Variants in TLR2 observed in about 807,000 individuals in gnomAD.
TLR2 encodes the protein toll like receptor 2.
A neutral mutation model predicts 9.1 loss-of-function variants in TLR2; 7 were observed. The observed-to-expected ratio is 0.77, with a 90% CI of 0.44 to 1.44. TLR2 has a LOEUF of 1.44. Ranked by LOEUF, TLR2 falls within the 40% of genes most tolerant of loss-of-function variation. TLR2 has a pLI of 0.01. For synonymous variants in TLR2, 317 were observed against 344.6 expected, an observed-to-expected ratio of 0.92 and a Z score of 0.89; for missense variants, 812 against 904.6, an observed-to-expected ratio of 0.90 and a Z score of 1.31.
chr4:153,700,886 T>G (rs4696484), intron 2 of TLR2, among the ~76,000 whole-genome samples: 147,435 of 152,228 alleles, frequency 0.97, 71,537 homozygotes, highest in East Asian at 1. Context: ...GATTATTTCC[T>G]CAAGATGATC....
At chr4:153,692,591 C>G (rs961176360) in intron 2 of TLR2, among the ~76,000 whole-genome samples, 2 of 152,180 alleles carry the variant, frequency 1.3e-5, no homozygotes, top group Non-Finnish European at 2.9e-5. Context: ...TCCTTCAAAG[C>G]TTGCAAATTT....
rs150388453 is a variant in TLR2, at chr4:153,703,705, G to C, written c.798G>C (p.Leu266Phe). The C allele has an allele frequency of 1.0e-3, 1,607 of 1,613,626 alleles. 2 individuals carry two copies. The highest frequency in any genetic ancestry group is 1.2e-3 in the Non-Finnish European group (1,428 of 1,179,934). Residue 266 changes from leucine to phenylalanine, a missense_variant, in exon 3 of 3, where the codon TTG (leucine) becomes TTC (phenylalanine). Physicochemically the swap from Leu to Phe is conservative, Grantham distance 22 (BLOSUM62 0). Coordinates refer to ENST00000642700, the MANE Select transcript of TLR2 (RefSeq NM_001318789.2). The stretch of plus-strand genomic sequence containing the variant: ...ATGTGAAAATCACCGATGAAAGTTT[G>C]TTTCAGGTTATGAAACTTTTGAATC... ...FRNVKITDES[L>F]FQVMKLLNQI...
intron 1 of TLR2, among the ~76,000 whole-genome samples, chr4:153,684,827 CG>C (rs1735576078): frequency 6.6e-6 from 1 of 152,146 alleles, no homozygotes; most frequent in African/African-American, 2.4e-5. Flanking sequence ...GCGGTGGCCC[CG>C]GCCCGGCCCT....
At chr4:153,708,822 TACTC>T (rs1737415952), downstream of TLR2, among the ~76,000 whole-genome samples, 1 of 152,168 alleles carries the variant, frequency 6.6e-6, no homozygotes, top group Non-Finnish European at 1.5e-5. Context: ...AACCCACAAT[TACTC>T]AAACAAGAAA....
intron 2 of TLR2, among the ~76,000 whole-genome samples, chr4:153,695,198 A>G (rs950376792): frequency 6.6e-6 from 1 of 152,158 alleles, no homozygotes; most frequent in Non-Finnish European, 1.5e-5. Context: ...TAGCAGTGGG[A>G]TTGCTGGATT....
chr4:153,703,002 G>A lies in TLR2; in HGVS notation c.95G>A (p.Arg32His), dbSNP rs780126308. ...SSNQASLSCD[R>H]NGICKGSSGS... Reference sequence around the variant, plus strand: ...AATCAGGCTTCTCTGTCTTGTGACCGCAATGGTATCTGCAAGGGCAGCTCA... The same window carrying A: ...AATCAGGCTTCTCTGTCTTGTGACCACAATGGTATCTGCAAGGGCAGCTCA... Residue 32 changes from arginine to histidine, a missense_variant, in exon 3 of 3, where the codon CGC (arginine) becomes CAC (histidine). By Grantham distance (29) the Arg-to-His change is conservative (BLOSUM62 0). Coordinates refer to ENST00000642700, the MANE Select transcript of TLR2 (RefSeq NM_001318789.2). 25 of 1,613,964 alleles carry A rather than the reference G, an allele frequency of 1.5e-5. No homozygotes were observed. The highest frequency in any genetic ancestry group is 3.3e-4 in the Middle Eastern group (2 of 6,062).
chr4:153,696,641 T>A (rs976240423), intron 2 of TLR2, among the ~76,000 whole-genome samples: 1 of 152,226 alleles, frequency 6.6e-6, no homozygotes, highest in East Asian at 1.9e-4. Context: ...ATTGAAAAAT[T>A]ATACCATGAG....
chr4:153,689,305 C>T (rs2127016248), intron 2 of TLR2, among the ~76,000 whole-genome samples: 1 of 152,296 alleles, frequency 6.6e-6, no homozygotes, highest in Non-Finnish European at 1.5e-5. Context: ...GGTGAGGTGC[C>T]ACTATACCAT....
At chr4:153,689,529 C>T (rs929069315) in intron 2 of TLR2, among the ~76,000 whole-genome samples, 1 of 152,188 alleles carries the variant, frequency 6.6e-6, no homozygotes, top group Non-Finnish European at 1.5e-5. Flanking sequence ...TCTTCCCAAA[C>T]AAGTATGTTC....
Position 153,702,928 on chromosome 4 carries a change from G to T in TLR2, c.21G>T (p.Met7Ile). 1.2e-6 allele frequency: 2 copies of T among 1,611,304 alleles called. No individual in the cohort carries two copies. The highest frequency in any genetic ancestry group is 1.1e-5 in the South Asian group (1 of 90,916). The change falls in exon 3 of 3, where the codon ATG (methionine) becomes ATT (isoleucine). Residue 7 changes from methionine (M) to isoleucine (I), a missense_variant. Transcript: ENST00000642700. The part of the protein sequence containing the change: MPHTLW[M>I]VWVLGVIISL... Reference sequence around the variant, plus strand: ...GGACAATGCCACATACTTTGTGGATGGTGTGGGTCTTGGGGGTCATCATCA... The same window carrying T: ...GGACAATGCCACATACTTTGTGGATTGTGTGGGTCTTGGGGGTCATCATCA...
At chr4:153,710,355 TG>T, downstream of TLR2, 1 of 1,544,854 alleles carries the variant, frequency 6.5e-7, no homozygotes. Flanking sequence ...ATGTTGCTTC[TG>T]GGGTCTGCTG....
At position 153,705,643 on chromosome 4, in the gene TLR2, A is replaced by G. The variant is rs1737287294; in HGVS notation, c.*381A>G. On this transcript the variant is annotated 3_prime_UTR_variant, in exon 3 of 3. Transcript: ENST00000642700. ...ATATAACCTGTGTACATTCTCCTGT[A>G]TACTTTAAATCATCTCTAGATTACT... is the stretch of plus-strand genomic sequence containing the variant. The G allele has an allele frequency of 1.2e-5, 2 of 172,280 alleles. No individual in the cohort carries two copies. The highest frequency in any genetic ancestry group is 2.8e-5 in the Non-Finnish European group (2 of 72,720). 10.7% of individuals were successfully genotyped at this position (172,280 alleles called of 1,614,324 possible). A position where few individuals can be genotyped will look rare whatever the true frequency, so the allele number is the denominator to read the frequency against.
chr4:153,703,971 T>C lies in TLR2; in HGVS notation c.1064T>C (p.Leu355Pro). 6.2e-7 allele frequency: 1 copy of C among 1,611,828 alleles called. No homozygotes were observed. The highest frequency in any genetic ancestry group is 1.1e-5 in the South Asian group (1 of 90,290). Residue 355 changes from leucine (L) to proline (P), a missense_variant, in exon 3 of 3, where the codon CTT becomes CCT. Transcript: ENST00000642700. ...NSKVFLVPCL[L>P]SQHLKSLEYL... ...AAAGTTTTTCTGGTTCCTTGTTTAC[T>C]TTCACAACATTTAAAATCATTAGAA...
chr4:153,689,139 A>G (rs1735925967), intron 2 of TLR2, among the ~76,000 whole-genome samples: 1 of 152,086 alleles, frequency 6.6e-6, no homozygotes, highest in Non-Finnish European at 1.5e-5. Flanking sequence ...TGCTTTAAAT[A>G]TTTGTTCTTT....
downstream of TLR2, among the ~76,000 whole-genome samples, chr4:153,709,467 C>A (rs190777213): frequency 2.0e-3 from 304 of 152,306 alleles, 1 homozygote; most frequent in African/African-American, 6.1e-3. Flanking sequence ...CTGGTCTTCT[C>A]TATTCAGTTA....
Position 153,704,638 on chromosome 4 carries a change from T to A in TLR2, c.1731T>A (p.Asp577Glu). The change falls in exon 3 of 3, where the codon GAT becomes GAA. Residue 577 changes from aspartate to glutamate, a missense_variant. Transcript: ENST00000642700. ...ATGTGCGTGGCCAGCAGGTTCAGGA[T>A]GTCCGCCTCTCGGTGTCGGAATGTC... ...PSHVRGQQVQ[D>E]VRLSVSECHR... 6.2e-7 allele frequency: 1 copy of A among 1,613,568 alleles called. No homozygotes were observed. The highest frequency in any genetic ancestry group is 8.5e-7 in the Non-Finnish European group (1 of 1,179,992).
rs1737047869 is a variant in TLR2, at chr4:153,703,229, T to C, written c.322T>C (p.Ser108Pro). 2 of 1,614,166 alleles carry C rather than the reference T, an allele frequency of 1.2e-6. No homozygotes were observed. Among genetic ancestry groups the C allele is most frequent in the East Asian group, 4.5e-5 (2 of 44,894 alleles). Residue 108 changes from serine (S) to proline (P), a missense_variant, in exon 3 of 3, where the codon TCC (serine) becomes CCC (proline). Coordinates refer to ENST00000642700, the MANE Select transcript of TLR2 (RefSeq NM_001318789.2). ...SLGSLEHLDL[S>P]YNYLSNLSSS... ...GGGCAGTCTTGAACATTTAGACTTA[T>C]CCTATAATTACTTATCTAATTTATC...
chr4:153,689,105 C>A (rs1735924102), intron 2 of TLR2, among the ~76,000 whole-genome samples: 1 of 152,204 alleles, frequency 6.6e-6, no homozygotes, highest in South Asian at 2.1e-4. Context: ...CAGTTCCTGG[C>A]ATTAAGGTCT....
intron 2 of TLR2, 49 bp from the exon 3 acceptor site, chr4:153,702,843 C>T (rs368651694): frequency 3.7e-5 from 49 of 1,308,354 alleles, no homozygotes; most frequent in African/African-American, 2.1e-4. Context: ...ATTAGAATTA[C>T]GATATGCTGT....
Sources: gnomAD v4.1 joint callset for allele counts (sites outside exome capture counted in the v4.1 genomes callset) on GRCh38, gnomAD v4.1.1 for gene constraint, MANE v1.5 for transcripts, NCBI Gene and HGNC (gene_info 2026-07-23, HGNC 2026-07-21) for gene names.